MMD2: variants seen among roughly 807,000 people sequenced by gnomAD.
MMD2 encodes the protein monocyte to macrophage differentiation associated 2.
A neutral mutation model predicts 33.5 loss-of-function variants in MMD2; 30 were observed. The observed-to-expected ratio is 0.90, with a 90% CI of 0.67 to 1.22. The LOEUF (loss-of-function observed/expected upper bound fraction) is 1.22. Among genes scored for constraint, MMD2 ranks in the 50% most tolerant of loss-of-function variants. The probability of loss-of-function intolerance (pLI) is 0.00; values close to 1 mark genes in which losing one functional copy is unlikely to be tolerated. For synonymous variants in MMD2, 129 were observed against 123.0 expected (o/e 1.05, Z -0.32); for missense variants, 364 against 325.4 (o/e 1.12, Z -0.91).
intron 1 of MMD2, among the ~76,000 whole-genome samples, chr7:4,952,769 G>A (rs961694024): frequency 2.8e-4 from 41 of 145,840 alleles, no homozygotes; most frequent in African/African-American, 9.2e-4. Flanking sequence ...CTGGATCACC[G>A]CAGCCTCCGC....
At chr7:4,945,733 C>T (rs1786057230) in intron 1 of MMD2, among the ~76,000 whole-genome samples, 2 of 152,148 alleles carry the variant, frequency 1.3e-5, no homozygotes, top group South Asian at 4.1e-4. Context: ...CACCAACACA[C>T]CTGACTAATT....
chr7:4,916,643 A>G (rs1264338803), intron 3 of MMD2, among the ~76,000 whole-genome samples: 2 of 152,026 alleles, frequency 1.3e-5, no homozygotes, highest in South Asian at 2.1e-4. Context: ...TCGGTCTCCT[A>G]AAGTGCTGGG....
At chr7:4,917,800 A>G (rs1785179431) in intron 3 of MMD2, among the ~76,000 whole-genome samples, 1 of 152,148 alleles carries the variant, frequency 6.6e-6, no homozygotes. Context: ...AATACATGGG[A>G]CTGGAATGGT....
At chr7:4,947,861 G>C (rs1786134779) in intron 1 of MMD2, among the ~76,000 whole-genome samples, 1 of 151,082 alleles carries the variant, frequency 6.6e-6, no homozygotes, top group Non-Finnish European at 1.5e-5. Context: ...TCCACACCTG[G>C]CTAATTTTTT....
downstream of MMD2, among the ~76,000 whole-genome samples, chr7:4,902,965 T>C (rs1364086178): frequency 6.6e-6 from 1 of 151,780 alleles, no homozygotes; most frequent in Non-Finnish European, 1.5e-5. Context: ...GTTTGGGATA[T>C]GGTGGCTCAT....
At chr7:4,912,583 C>A (rs1448889988) in intron 4 of MMD2, among the ~76,000 whole-genome samples, 1 of 148,908 alleles carries the variant, frequency 6.7e-6, no homozygotes, top group Non-Finnish European at 1.5e-5. Context: ...AAAGGGATAA[C>A]GGTCAATGCA....
downstream of MMD2, among the ~76,000 whole-genome samples, chr7:4,903,367 C>T (rs946932809): frequency 2.0e-5 from 3 of 152,068 alleles, no homozygotes; most frequent in African/African-American, 7.2e-5. Flanking sequence ...GACTTTAGAT[C>T]TCCAGTTCTG....
chr7:4,938,284 C>G (rs1785805045), intron 1 of MMD2, among the ~76,000 whole-genome samples: 1 of 152,094 alleles, frequency 6.6e-6, no homozygotes, highest in Non-Finnish European at 1.5e-5. Context: ...GCTGGGATTA[C>G]AGGCATGAGC....
At chr7:4,904,229 G>A (rs909419210), downstream of MMD2, among the ~76,000 whole-genome samples, 7 of 151,946 alleles carry the variant, frequency 4.6e-5, no homozygotes, top group East Asian at 1.9e-4. Flanking sequence ...CACTGTGCTC[G>A]GCGCCCCTCT....
chr7:4,958,974 G>A lies in MMD2; in HGVS notation c.44C>T (p.Ala15Val). Reference sequence around the variant, plus strand: ...GACCTCCGCGGCCGCCGCTCACCTCGCGTATTTCGTCTTCTGGAAATCCAG... The same window carrying A: ...GACCTCCGCGGCCGCCGCTCACCTCACGTATTTCGTCTTCTGGAAATCCAG... ...RLLDFQKTKY[A>V]RFMNHRVPAH... Residue 15 changes from alanine (A) to valine (V), a missense_variant, in exon 1 of 7, where the codon GCG becomes GTG. Physicochemically the swap from Ala to Val is moderately conservative, Grantham distance 64. Coordinates refer to ENST00000401401, the MANE Select transcript of MMD2 (RefSeq NM_198403.4). The A allele has an allele frequency of 1.6e-6, 2 of 1,285,822 alleles. No individual in the cohort carries two copies. Among genetic ancestry groups the A allele is most frequent in the South Asian group, 2.8e-5 (1 of 36,268 alleles). The allele number at this position is 1,285,822 out of a possible 1,614,324, so 79.7% of individuals were successfully genotyped here.
chr7:4,922,364 G>A (rs1160188123), intron 2 of MMD2, among the ~76,000 whole-genome samples: 1 of 152,106 alleles, frequency 6.6e-6, no homozygotes, highest in Non-Finnish European at 1.5e-5. Context: ...GAGGCCAGGA[G>A]TTTGAGACCA....
chr7:4,939,141 G>A (rs1168477593), intron 1 of MMD2, among the ~76,000 whole-genome samples: 1 of 152,134 alleles, frequency 6.6e-6, no homozygotes, highest in African/African-American at 2.4e-5. Flanking sequence ...GATGGAGGTT[G>A]CAGTCAGCTG....
At chr7:4,939,644 T>A (rs1785846638) in intron 1 of MMD2, among the ~76,000 whole-genome samples, 1 of 152,084 alleles carries the variant, frequency 6.6e-6, no homozygotes, top group Non-Finnish European at 1.5e-5. Context: ...TGAGAATTAA[T>A]GAATTACAGC....
chr7:4,955,759 A>G (rs1786366473), intron 1 of MMD2, among the ~76,000 whole-genome samples: 1 of 152,226 alleles, frequency 6.6e-6, no homozygotes. Context: ...GTCTACTAGA[A>G]AATTTAAAGC....
At chr7:4,956,679 A>T (rs1225457616) in intron 1 of MMD2, among the ~76,000 whole-genome samples, 1 of 152,172 alleles carries the variant, frequency 6.6e-6, no homozygotes, top group Non-Finnish European at 1.5e-5. Flanking sequence ...GAGACCATTT[A>T]GACCAGCTCT....
At chr7:4,902,165 T>C (rs558213968), downstream of MMD2, among the ~76,000 whole-genome samples, 5 of 152,312 alleles carry the variant, frequency 3.3e-5, no homozygotes, top group South Asian at 1.0e-3. Flanking sequence ...TTGGTCAGGC[T>C]GGTCTCAAAC....
chr7:4,908,422 G>A (rs1334268859), intron 6 of MMD2, among the ~76,000 whole-genome samples: 3 of 151,892 alleles, frequency 2.0e-5, no homozygotes, highest in Admixed American at 6.6e-5. Flanking sequence ...GATTATAGGC[G>A]GAAGCCACTG....
Position 4,906,711 on chromosome 7 carries a change from A to C in MMD2, c.*685T>G, listed in dbSNP as rs1027146543. On this transcript the variant is annotated 3_prime_UTR_variant, in exon 7 of 7. Transcript: ENST00000401401. ...CCAAAAGGGAGGGGGAGATGAGGAG[A>C]TAGGCATGCAAATGCCCATTTGGAG... 4.3e-5 allele frequency: 17 copies of C among 396,122 alleles called. No homozygotes were observed. Among genetic ancestry groups the C allele is most frequent in the African/African-American group, 2.9e-4 (14 of 48,582 alleles). The allele number at this position is 396,122 out of a possible 1,614,324, so 24.5% of individuals were successfully genotyped here.
intron 1 of MMD2, among the ~76,000 whole-genome samples, chr7:4,947,124 C>T (rs1405157220): frequency 6.6e-6 from 1 of 151,930 alleles, no homozygotes; most frequent in African/African-American, 2.4e-5. Context: ...AGGAGAATCG[C>T]TTGAACTCGG....
Sources: gnomAD v4.1 joint callset for allele counts (sites outside exome capture counted in the v4.1 genomes callset) on GRCh38, gnomAD v4.1.1 for gene constraint, MANE v1.5 for transcripts, NCBI Gene and HGNC (gene_info 2026-07-23, HGNC 2026-07-21) for gene names.